TTLL7: variants seen among roughly 807,000 people sequenced by gnomAD.
The protein encoded by TTLL7 is tubulin tyrosine ligase like 7, also known as tubulin polyglutamylase TTLL7.
Under a neutral mutation model 120.2 loss-of-function variants are expected in TTLL7, and 53 were observed. The ratio of observed to expected loss-of-function variants is 0.44; its 90% CI spans 0.35 to 0.55. The LOEUF is 0.55. TTLL7 is among the 20% of genes least tolerant of loss of function. The pLI is 0.00. For missense variants in TTLL7, 803 were observed against 1,054.7 expected, an observed-to-expected ratio of 0.76 and a Z score of 3.31; for synonymous variants, 353 against 351.7, an observed-to-expected ratio of 1.00 and a Z score of -0.04.
chr1:83,883,457 A>C (rs1435584133), intron 19 of TTLL7, among the ~76,000 whole-genome samples: 1 of 151,866 alleles, frequency 6.6e-6, no homozygotes, highest in Non-Finnish European at 1.5e-5. Context: ...AGGCACAATC[A>C]TGATGCACTA....
At chr1:83,901,606 A>C (rs531328540) in intron 18 of TTLL7, among the ~76,000 whole-genome samples, 3 of 152,016 alleles carry the variant, frequency 2.0e-5, no homozygotes, top group Non-Finnish European at 4.4e-5. Flanking sequence ...AGCCAAAGTC[A>C]GCGACTTGAA....
intron 20 of TTLL7, among the ~76,000 whole-genome samples, chr1:83,881,240 T>C (rs1031714313): frequency 6.6e-6 from 1 of 151,314 alleles, no homozygotes; most frequent in Non-Finnish European, 1.5e-5. Context: ...AATTGACAAA[T>C]GGAATCTAAT....
At position 83,999,054 on chromosome 1, in the gene TTLL7, C is replaced by G. The variant is rs1450680327; in HGVS notation, c.-300G>C. 3 of 447,526 alleles carry G rather than the reference C, an allele frequency of 6.7e-6. No individual in the cohort carries two copies. The highest frequency in any genetic ancestry group is 1.3e-5 in the Non-Finnish European group (3 of 224,642). The allele number at this position is 447,526 out of a possible 1,614,324, so 27.7% of individuals were successfully genotyped here. On this transcript the variant is annotated 5_prime_UTR_variant, in exon 1 of 21. Coordinates refer to ENST00000260505, the MANE Select transcript of TTLL7 (RefSeq NM_024686.6). ...GACTCGGCAGCCTGCACTGGTGGTC[C>G]GGTGCTCTCCTCCGCCCGCCCACCG...
At chr1:83,958,828 T>C (rs1421125758) in intron 1 of TTLL7, among the ~76,000 whole-genome samples, 1 of 152,208 alleles carries the variant, frequency 6.6e-6, no homozygotes, top group Non-Finnish European at 1.5e-5. Context: ...CACCTGGGAC[T>C]ACTGTTCAAG....
rs1352198367 is a variant in TTLL7, at chr1:83,904,136, A to T, written c.2151T>A (p.His717Gln). 2 of 1,612,164 alleles carry T rather than the reference A, an allele frequency of 1.2e-6. No individual in the cohort carries two copies. The highest frequency in any genetic ancestry group is 2.2e-5 in the East Asian group (1 of 44,760). The change falls in exon 18 of 21, where the codon CAT (histidine) becomes CAA (glutamine). Residue 717 changes from histidine to glutamine, a missense_variant. His to Gln is a conservative substitution (Grantham distance 24, BLOSUM62 0). Around this residue, in one of 3 missense-constraint regions of TTLL7, gnomAD observed 388 missense variants for 450.4 expected, o/e 0.86. Transcript: ENST00000260505. Reference protein sequence around the residue: ...IEDIIDNWKYHKTKVASYWLI... With the variant: ...IEDIIDNWKYQKTKVASYWLI... ...GCCAATATGAAGCCACTTTGGTTTT[A>T]TGATACTTCCAGTTATCAATGATCT...
At chr1:83,987,637 TA>T (rs200444921) in intron 1 of TTLL7, among the ~76,000 whole-genome samples, 2,196 of 152,256 alleles carry the variant, frequency 0.014, 23 homozygotes, top group Non-Finnish European at 0.023. Context: ...CGATTTTTTT[TA>T]AAACTGCTAA....
At chr1:83,911,473 G>T in intron 14 of TTLL7, 110 bp from the exon 15 acceptor site, 1 of 845,862 alleles carries the variant, frequency 1.2e-6, no homozygotes, top group Non-Finnish European at 1.8e-6. Flanking sequence ...TTTACTGAAG[G>T]TTGAGAATCC....
At chr1:83,978,859 T>C (rs955010682) in intron 1 of TTLL7, among the ~76,000 whole-genome samples, 1 of 152,162 alleles carries the variant, frequency 6.6e-6, no homozygotes, top group Non-Finnish European at 1.5e-5. Context: ...TCAAAATAGT[T>C]ATGGAGCGTG....
intron 18 of TTLL7, among the ~76,000 whole-genome samples, chr1:83,901,515 T>C (rs1158552214): frequency 6.6e-6 from 1 of 152,018 alleles, no homozygotes; most frequent in Non-Finnish European, 1.5e-5. Context: ...CTTCTCTCTC[T>C]TCTAGATTAC....
At chr1:83,937,764 C>A (rs1647558895) in intron 8 of TTLL7, 88 bp downstream of exon 8, 1 of 1,482,586 alleles carries the variant, frequency 6.7e-7, no homozygotes, top group South Asian at 1.2e-5. Flanking sequence ...CAAGTTCAAT[C>A]AACTCTTAAT....
At chr1:83,965,318 T>A (rs1037401180) in intron 1 of TTLL7, among the ~76,000 whole-genome samples, 6 of 152,062 alleles carry the variant, frequency 3.9e-5, no homozygotes, top group African/African-American at 1.4e-4. Context: ...CTTGTGATAG[T>A]GAGTGAGTTC....
chr1:83,938,568 T>TA (rs1407384515), intron 7 of TTLL7, among the ~76,000 whole-genome samples: 2 of 152,270 alleles, frequency 1.3e-5, no homozygotes, highest in South Asian at 2.1e-4. Flanking sequence ...ACAGTGCACT[T>TA]AGAGTCAGCA....
chr1:83,921,221 T>C (rs765274838), intron 11 of TTLL7, 26 bp downstream of exon 11: 18 of 1,610,518 alleles, frequency 1.1e-5, no homozygotes, highest in Non-Finnish European at 1.5e-5. Flanking sequence ...ATTTAAATTG[T>C]GGGTACTTTC....
intron 19 of TTLL7, among the ~76,000 whole-genome samples, chr1:83,888,246 GA>G (rs72014106): frequency 0.042 from 6,310 of 151,584 alleles, 156 homozygotes; most frequent in Middle Eastern, 0.099. Flanking sequence ...TCAACCAACA[GA>G]AAAAAAACAT....
rs1652883406 is a variant in TTLL7 at position 83,865,914 on chromosome 1, T to C, written c.*4048A>G. On this transcript the variant is annotated 3_prime_UTR_variant, in exon 21 of 21. Transcript: ENST00000260505. ...GGCAGTGTAAGTAACAAAATTGTCA[T>C]CATGAATATATTTCTAAATTTTTAT... 6.6e-6 allele frequency: 1 copy of C among 151,938 alleles called. No homozygotes were observed. Among genetic ancestry groups the C allele is most frequent in the South Asian group, 2.1e-4 (1 of 4,828 alleles). The allele number at this position is 151,938 out of a possible 1,614,324, so 9.4% of individuals were successfully genotyped here.
intron 1 of TTLL7, among the ~76,000 whole-genome samples, chr1:83,957,557 T>C (rs962462172): frequency 4.1e-4 from 63 of 152,116 alleles, no homozygotes; most frequent in African/African-American, 1.5e-3. Flanking sequence ...TTATTCCCAT[T>C]TTATATATGG....
chr1:83,930,572 A>G (rs1468874948), intron 9 of TTLL7, among the ~76,000 whole-genome samples: 2 of 152,196 alleles, frequency 1.3e-5, no homozygotes, highest in Non-Finnish European at 2.9e-5. Context: ...GAAAGGGTAA[A>G]GTAATATATT....
chr1:83,890,972 A>G (rs934177050), intron 18 of TTLL7, among the ~76,000 whole-genome samples: 2 of 151,970 alleles, frequency 1.3e-5, no homozygotes, highest in African/African-American at 4.8e-5. Context: ...AAAAGAATCA[A>G]CTCTAGAGGG....
chr1:83,927,440 G>C (rs1659229183), intron 10 of TTLL7, among the ~76,000 whole-genome samples: 1 of 152,090 alleles, frequency 6.6e-6, no homozygotes, highest in African/African-American at 2.4e-5. Flanking sequence ...TGGGATTTGA[G>C]TCACAAGCAA....
Sources: allele counts gnomAD v4.1 joint callset (sites outside exome capture counted in the v4.1 genomes callset), GRCh38; gene constraint gnomAD v4.1.1; regional missense constraint gnomAD v4.1.1; transcripts MANE v1.5; gene names NCBI Gene and HGNC (gene_info 2026-07-23, HGNC 2026-07-21).